The following RALGAPA2 variants were observed in gnomAD, a reference collection of about 807,000 sequenced individuals.
RALGAPA2 encodes the protein ral GTPase-activating protein subunit alpha-2.
RALGAPA2 carries 139 observed loss-of-function variants against 230.4 expected under a neutral mutation model. The observed-to-expected ratio is 0.60, with a 90% CI of 0.53 to 0.69. RALGAPA2 has a LOEUF of 0.69. Among genes scored for constraint, RALGAPA2 ranks in the 30% least tolerant of loss-of-function variants. The pLI is 0.00. For synonymous variants in RALGAPA2, 847 were observed against 837.8 expected, an observed-to-expected ratio of 1.01 and a Z score of -0.19; for missense variants, 2,163 against 2,276.0, an observed-to-expected ratio of 0.95 and a Z score of 1.01.
At chr20:20,538,631 TC>T (rs1372235766) in intron 24 of RALGAPA2, among the ~76,000 whole-genome samples, 2 of 152,248 alleles carry the variant, frequency 1.3e-5, no homozygotes, top group Non-Finnish European at 2.9e-5. Context: ...CTTTCTTCCT[TC>T]CCTTTCCCCC....
chr20:20,611,582 C>A (rs919131246), intron 13 of RALGAPA2, among the ~76,000 whole-genome samples, 156 bp from the exon 14 acceptor site: 2 of 152,122 alleles, frequency 1.3e-5, no homozygotes, highest in African/African-American at 4.8e-5. Flanking sequence ...TAATGAATAC[C>A]ATATTTTACC....
intron 20 of RALGAPA2, among the ~76,000 whole-genome samples, chr20:20,579,568 C>T (rs1320559095): frequency 6.6e-6 from 1 of 152,144 alleles, no homozygotes; most frequent in Non-Finnish European, 1.5e-5. Context: ...TTAAAAGTTT[C>T]TCTGGTAATG....
chr20:20,575,294 G>C (rs996288315), intron 20 of RALGAPA2, among the ~76,000 whole-genome samples: 1 of 151,966 alleles, frequency 6.6e-6, no homozygotes, highest in Non-Finnish European at 1.5e-5. Context: ...CAACATATTT[G>C]ACAGCTCTAC....
At chr20:20,561,083 A>G (rs2064243400) in intron 23 of RALGAPA2, among the ~76,000 whole-genome samples, 1 of 152,174 alleles carries the variant, frequency 6.6e-6, no homozygotes, top group Non-Finnish European at 1.5e-5. Flanking sequence ...CCTTTTTCTG[A>G]GGCTGTCCTA....
chr20:20,437,436 G>A lies in RALGAPA2; in HGVS notation c.5496-25288C>T, dbSNP rs1371451611. On this transcript the variant is annotated intron_variant, in intron 37 of 39. Transcript: ENST00000202677. This position sits in a 1 kb window ranked among gnomAD's most constrained non-coding sequence, Gnocchi z 4.1. ...TGGCCTCTGTACCCAGCAGCAGGAG[G>A]CTTTCAGGGATGGTGCCGTCCTCCG... 6.6e-6 allele frequency among the ~76,000 whole-genome samples: 1 copy of A among 152,204 alleles called. No individual in the cohort carries two copies. Among genetic ancestry groups the A allele is most frequent in the Non-Finnish European group, 1.5e-5 (1 of 68,032 alleles).
intron 23 of RALGAPA2, among the ~76,000 whole-genome samples, chr20:20,549,626 C>T (rs1039506378): frequency 2.0e-5 from 3 of 152,116 alleles, no homozygotes; most frequent in Non-Finnish European, 2.9e-5. Context: ...AGTGGAACAA[C>T]TCGAAGACTG....
intron 23 of RALGAPA2, among the ~76,000 whole-genome samples, chr20:20,553,080 T>C (rs1272726901): frequency 6.6e-6 from 1 of 152,138 alleles, no homozygotes; most frequent in Non-Finnish European, 1.5e-5. Context: ...GGGCCAAATA[T>C]GTGGTATGTG....
chr20:20,583,962 G>A (rs1177603398), intron 19 of RALGAPA2, among the ~76,000 whole-genome samples: 3 of 152,140 alleles, frequency 2.0e-5, no homozygotes, highest in African/African-American at 7.2e-5. Context: ...TACTCTTGCT[G>A]TTTCTAATCT....
chr20:20,523,844 C>T (rs2063115491), intron 30 of RALGAPA2, among the ~76,000 whole-genome samples: 2 of 152,272 alleles, frequency 1.3e-5, no homozygotes, highest in South Asian at 2.1e-4. Flanking sequence ...AGAATTCTGA[C>T]AAAACTGCAG....
rs2069904014 is a variant in RALGAPA2, at chr20:20,712,149, G to A, written c.106+226C>T. Among the ~76,000 whole-genome samples, 1 of 152,120 alleles carries A rather than the reference G, an allele frequency of 6.6e-6. No individual in the cohort carries two copies. Among genetic ancestry groups the A allele is most frequent in the South Asian group, 2.1e-4 (1 of 4,816 alleles). On this transcript the variant is annotated intron_variant, in intron 1 of 39. Coordinates refer to ENST00000202677, the MANE Select transcript of RALGAPA2 (RefSeq NM_020343.4). This position sits in a 1 kb window ranked among gnomAD's most constrained non-coding sequence, Gnocchi z 5.5. ...GAGCGCAGGCGCCCAGCGAGAATCT[G>A]GGCTAAGTTTAACTCGAGGGCGACG... is the stretch of plus-strand genomic sequence containing the variant.
intron 36 of RALGAPA2, among the ~76,000 whole-genome samples, chr20:20,479,509 T>C (rs1360677676): frequency 1.3e-5 from 2 of 152,206 alleles, no homozygotes; most frequent in African/African-American, 2.4e-5. Context: ...ACCACATTAA[T>C]AGATTGAATG....
At chr20:20,413,480 C>T (rs1215279348) in intron 37 of RALGAPA2, among the ~76,000 whole-genome samples, 1 of 152,164 alleles carries the variant, frequency 6.6e-6, no homozygotes. Context: ...CTATCCCATA[C>T]AGTAGCCACA....
At chr20:20,476,782 G>C (rs1377234915) in intron 36 of RALGAPA2, among the ~76,000 whole-genome samples, 1 of 151,508 alleles carries the variant, frequency 6.6e-6, no homozygotes, top group East Asian at 1.9e-4. Context: ...AAATGAAAAG[G>C]CAAGTTATAT....
intron 37 of RALGAPA2, among the ~76,000 whole-genome samples, chr20:20,420,036 A>G (rs993065145): frequency 6.6e-6 from 1 of 152,176 alleles, no homozygotes; most frequent in African/African-American, 2.4e-5. Flanking sequence ...AGAGGGAGAT[A>G]AGCTCAAAGA....
chr20:20,525,138 A>G (rs1467332345), intron 28 of RALGAPA2, among the ~76,000 whole-genome samples: 2 of 152,244 alleles, frequency 1.3e-5, no homozygotes, highest in Admixed American at 1.3e-4. Context: ...GAAGGCAGAG[A>G]AAAGAGTATT....
intron 2 of RALGAPA2, among the ~76,000 whole-genome samples, chr20:20,676,690 G>A (rs1039434494): frequency 1.3e-5 from 2 of 152,072 alleles, no homozygotes; most frequent in African/African-American, 4.8e-5. Flanking sequence ...TATCTTTTGG[G>A]GCAACTGCAC....
At chr20:20,615,911 G>A in intron 13 of RALGAPA2, 132 bp downstream of exon 13, 1 of 659,932 alleles carries the variant, frequency 1.5e-6, no homozygotes, top group South Asian at 4.3e-5. Flanking sequence ...ATAATTCACA[G>A]AAACTGTTAC....
intron 10 of RALGAPA2, among the ~76,000 whole-genome samples, chr20:20,628,716 TC>T (rs1405093936): frequency 6.6e-6 from 1 of 152,260 alleles, no homozygotes; most frequent in East Asian, 1.9e-4. Context: ...ATTGCTAATG[TC>T]CCCTAGGGAG....
In RALGAPA2 at chr20:20,458,853, G is replaced by T. The variant is rs140714529; in HGVS notation, c.5495+13976C>A. ...ATATATATAGACCTATATATATATA[G>T]ACCTATATATATATATATATATACA... On this transcript the variant is annotated intron_variant, in intron 37 of 39. Coordinates refer to ENST00000202677, the MANE Select transcript of RALGAPA2 (RefSeq NM_020343.4). Among the ~76,000 whole-genome samples the T allele has an allele frequency of 4.9e-5, 5 of 101,190 alleles. No homozygotes were observed. The East Asian group carries it at 1.1e-3, about 22-fold the overall frequency. The allele number at this position is 101,190 out of a possible 152,430, so 66.4% of individuals were successfully genotyped here. A position where few individuals can be genotyped will look rare whatever the true frequency, so the allele number is the denominator to read the frequency against.
Sources: allele counts gnomAD v4.1 joint callset (sites outside exome capture counted in the v4.1 genomes callset), GRCh38; gene constraint gnomAD v4.1.1; non-coding constraint Gnocchi (gnomAD v3.1); transcripts MANE v1.5; gene names NCBI Gene and HGNC (gene_info 2026-07-23, HGNC 2026-07-21).